DCUN1D4: variants seen among roughly 807,000 people sequenced by gnomAD.
The protein encoded by DCUN1D4 is DCN1-like protein 4.
A neutral mutation model predicts 47.9 loss-of-function variants in DCUN1D4; 22 were observed. That is an observed-to-expected ratio of 0.46 (90% CI 0.33 to 0.66). DCUN1D4 has a LOEUF of 0.66. Ranked by LOEUF, DCUN1D4 falls within the 30% of genes least tolerant of loss-of-function variation. DCUN1D4 has a pLI of 0.02. For missense variants in DCUN1D4, 301 were observed against 340.8 expected, an observed-to-expected ratio of 0.88 and a Z score of 0.92; for synonymous variants, 121 against 112.2, an observed-to-expected ratio of 1.08 and a Z score of -0.50.
At chr4:51,903,849 C>A (rs1732474902) in intron 8 of DCUN1D4, among the ~76,000 whole-genome samples, 1 of 152,018 alleles carries the variant, frequency 6.6e-6, no homozygotes, top group South Asian at 2.1e-4. Flanking sequence ...GTTTATGTCT[C>A]CAGTTTCTCT....
At chr4:51,842,430 C>A (rs1490844089), upstream of DCUN1D4, among the ~76,000 whole-genome samples, 1 of 152,208 alleles carries the variant, frequency 6.6e-6, no homozygotes, top group Non-Finnish European at 1.5e-5. Flanking sequence ...CTCTGCGAAA[C>A]AAGTATGCGG....
chr4:51,901,197 C>G (rs950124775), intron 8 of DCUN1D4, among the ~76,000 whole-genome samples: 1 of 152,178 alleles, frequency 6.6e-6, no homozygotes, highest in South Asian at 2.1e-4. Context: ...GCCTCTAGTA[C>G]CTCCCCACTG....
rs1326716021 is a variant in DCUN1D4, at chr4:51,863,801, A to G, written c.136+92A>G. 3.1e-6 allele frequency: 4 copies of G among 1,303,706 alleles called. No homozygotes were observed. The African/African-American group carries it at 6.0e-5, about 20-fold the overall frequency. 80.8% of individuals were successfully genotyped at this position (1,303,706 alleles called of 1,614,324 possible). On this transcript the variant is annotated intron_variant, in intron 3 of 10. Transcript: ENST00000334635. Reference sequence around the variant, plus strand: ...GCTATGAATGCGCTATGTTGTCATAATGTACTCCATTAACAAATTGTTCCT... The same window carrying G: ...GCTATGAATGCGCTATGTTGTCATAGTGTACTCCATTAACAAATTGTTCCT...
intron 6 of DCUN1D4, among the ~76,000 whole-genome samples, chr4:51,890,260 C>T (rs901156023): frequency 6.6e-6 from 1 of 152,090 alleles, no homozygotes; most frequent in Non-Finnish European, 1.5e-5. Context: ...GATTTCTTGC[C>T]TCATGTTTCA....
chr4:51,870,054 A>G (rs931478518), intron 3 of DCUN1D4, among the ~76,000 whole-genome samples: 11 of 152,204 alleles, frequency 7.2e-5, no homozygotes, highest in Admixed American at 5.9e-4. Flanking sequence ...CCGATTCACT[A>G]AAACGTCAGC....
chr4:51,893,957 G>A (rs1377411217), intron 7 of DCUN1D4, among the ~76,000 whole-genome samples: 1 of 152,178 alleles, frequency 6.6e-6, no homozygotes, highest in Non-Finnish European at 1.5e-5. Flanking sequence ...TTGCCCATGT[G>A]TTTTGAGGGC....
At chr4:51,848,490 T>G in intron 1 of DCUN1D4, 1 of 752,616 alleles carries the variant, frequency 1.3e-6, no homozygotes, top group South Asian at 5.8e-5. Context: ...AAAGTCTTTC[T>G]TCAGATTTAC....
At chr4:51,900,299 G>A (rs1286134403) in intron 8 of DCUN1D4, among the ~76,000 whole-genome samples, 2 of 151,760 alleles carry the variant, frequency 1.3e-5, no homozygotes, top group Non-Finnish European at 1.5e-5. Flanking sequence ...TCTCTGTGGT[G>A]CCCTCATTCA....
At chr4:51,846,040 C>T (rs957350836) in intron 1 of DCUN1D4, among the ~76,000 whole-genome samples, 1 of 152,120 alleles carries the variant, frequency 6.6e-6, no homozygotes, top group Admixed American at 6.5e-5. Flanking sequence ...CTATAATTGT[C>T]TTCAAAATGG....
chr4:51,843,741 G>T (rs1340602666), intron 1 of DCUN1D4: 1 of 1,208,740 alleles, frequency 8.3e-7, no homozygotes, highest in African/African-American at 1.7e-5. Context: ...TGAGAAAGGC[G>T]GGTGAGTGCG....
In DCUN1D4 at chr4:51,912,549, G is replaced by A. The variant is rs139596410; in HGVS notation, c.721-741G>A. Among the ~76,000 whole-genome samples, 43 of 152,218 alleles carry A rather than the reference G, an allele frequency of 2.8e-4. No individual in the cohort carries two copies. In the East Asian group the frequency reaches 5.6e-3, roughly 20 times the overall value. On this transcript the variant is annotated intron_variant, in intron 9 of 10. Transcript: ENST00000334635. ...TTGTTTTACTATGTTTCTGATTTTA[G>A]TGGGGAAGATTTAAAAATCATTGGT... is the stretch of plus-strand genomic sequence containing the variant.
At chr4:51,887,052 C>G (rs1348141637) in intron 6 of DCUN1D4, 5 of 452,080 alleles carry the variant, frequency 1.1e-5, no homozygotes, top group Non-Finnish European at 2.2e-5. Flanking sequence ...TTGTAATCAT[C>G]AAGAATTTTT....
chr4:51,848,188 A>ATTTC (rs10673605), intron 1 of DCUN1D4: 417,490 of 1,285,068 alleles, frequency 0.32, 75,567 homozygotes, highest in African/African-American at 0.71. Flanking sequence ...CTAATTTAAT[A>ATTTC]TTTTTCAAAC....
intron 3 of DCUN1D4, among the ~76,000 whole-genome samples, chr4:51,873,477 C>T (rs973780555): frequency 2.0e-5 from 3 of 152,286 alleles, no homozygotes; most frequent in Non-Finnish European, 2.9e-5. Flanking sequence ...CTGGCTTTGC[C>T]GTTTGCCTAA....
Position 51,914,715 on chromosome 4 carries a change from C to T in DCUN1D4, c.*1131C>T, listed in dbSNP as rs927427535. ...CATGCTAGGACCTGTCCTAGAGGGG[C>T]CACTTTTCATTACCTGAGTTATTTG... On this transcript the variant is annotated 3_prime_UTR_variant, in exon 11 of 11. Coordinates refer to ENST00000334635, the MANE Select transcript of DCUN1D4 (RefSeq NM_001040402.3). 1 of 152,388 alleles carries T rather than the reference C, an allele frequency of 6.6e-6. No individual in the cohort carries two copies. The highest frequency in any genetic ancestry group is 1.5e-5 in the Non-Finnish European group (1 of 67,990). 9.4% of individuals were successfully genotyped at this position (152,388 alleles called of 1,614,324 possible). A position where few individuals can be genotyped will look rare whatever the true frequency, so the allele number is the denominator to read the frequency against.
intron 1 of DCUN1D4, chr4:51,848,165 A>C (rs182155501): frequency 7.9e-7 from 1 of 1,272,850 alleles, no homozygotes; most frequent in Non-Finnish European, 1.0e-6. Flanking sequence ...AGACAAAGTC[A>C]GTTGTATGCA....
chr4:51,889,042 G>A (rs1224104638), intron 6 of DCUN1D4, among the ~76,000 whole-genome samples: 1 of 152,112 alleles, frequency 6.6e-6, no homozygotes, highest in Non-Finnish European at 1.5e-5. Flanking sequence ...CCAGGAGGTG[G>A]AGGTTGCAGT....
chr4:51,867,126 C>G (rs1322107955), intron 3 of DCUN1D4, among the ~76,000 whole-genome samples: 1 of 152,244 alleles, frequency 6.6e-6, no homozygotes, highest in Non-Finnish European at 1.5e-5. Flanking sequence ...CCAGTACAGG[C>G]ACCAGCTCTG....
intron 8 of DCUN1D4, 62 bp from the exon 9 acceptor site, chr4:51,911,008 C>T (rs758614519): frequency 1.3e-4 from 191 of 1,478,974 alleles, no homozygotes; most frequent in Non-Finnish European, 1.7e-4. Flanking sequence ...TACACATTTG[C>T]AATTATTGGA....
Sources: gnomAD v4.1 joint callset for allele counts (sites outside exome capture counted in the v4.1 genomes callset) on GRCh38, gnomAD v4.1.1 for gene constraint, MANE v1.5 for transcripts, NCBI Gene and HGNC (gene_info 2026-07-23, HGNC 2026-07-21) for gene names.